The following DPYD variants were observed in gnomAD, a reference collection of about 807,000 sequenced individuals.
DPYD encodes the protein dihydropyrimidine dehydrogenase, also known as dihydropyrimidine dehydrogenase [NADP(+)].
Under a neutral mutation model 116.2 loss-of-function variants are expected in DPYD, and 109 were observed. The observed-to-expected ratio is 0.94, with a 90% CI of 0.80 to 1.10. DPYD has a LOEUF of 1.10. Ranked by LOEUF, DPYD falls within the 50% of genes least tolerant of loss-of-function variation. The pLI is 0.00. For synonymous variants in DPYD, 440 were observed against 432.0 expected, an observed-to-expected ratio of 1.02 and a Z score of -0.23; for missense variants, 1,302 against 1,254.5, an observed-to-expected ratio of 1.04 and a Z score of -0.57.
At chr1:97,147,932 C>T (rs1248740336) in intron 20 of DPYD, among the ~76,000 whole-genome samples, 1 of 152,134 alleles carries the variant, frequency 6.6e-6, no homozygotes, top group Non-Finnish European at 1.5e-5. Flanking sequence ...CCCTAAGTTA[C>T]AAAGTGTGTG....
chr1:97,731,058 A>C (rs1033347907), intron 4 of DPYD, among the ~76,000 whole-genome samples: 1 of 152,158 alleles, frequency 6.6e-6, no homozygotes, highest in African/African-American at 2.4e-5. Context: ...TATAACTTAC[A>C]TATAAAATGC....
chr1:97,789,739 TAA>T (rs1667219411), intron 3 of DPYD, among the ~76,000 whole-genome samples: 1 of 152,124 alleles, frequency 6.6e-6, no homozygotes, highest in Non-Finnish European at 1.5e-5. Context: ...AAATTAAGAA[TAA>T]AATAAATATG....
intron 18 of DPYD, among the ~76,000 whole-genome samples, chr1:97,271,928 T>C (rs1050735418): frequency 2.0e-5 from 3 of 152,202 alleles, no homozygotes; most frequent in African/African-American, 7.2e-5. Context: ...TATCACAGTG[T>C]TCCTTTTTAA....
At chr1:97,223,062 T>C (rs1457106098) in intron 19 of DPYD, among the ~76,000 whole-genome samples, 1 of 152,080 alleles carries the variant, frequency 6.6e-6, no homozygotes, top group Non-Finnish European at 1.5e-5. Flanking sequence ...GTGTATATTA[T>C]GACCAAGAGA....
At chr1:97,858,103 C>G (rs974556555) in intron 2 of DPYD, among the ~76,000 whole-genome samples, 2 of 152,002 alleles carry the variant, frequency 1.3e-5, no homozygotes, top group Non-Finnish European at 1.5e-5. Flanking sequence ...TAGCAAAATG[C>G]TTTTCTCGTC....
intron 18 of DPYD, among the ~76,000 whole-genome samples, chr1:97,288,924 A>G (rs1252413484): frequency 6.6e-6 from 1 of 152,102 alleles, no homozygotes; most frequent in Non-Finnish European, 1.5e-5. Context: ...GATCAACAAA[A>G]TTGATAGACT....
chr1:97,331,316 G>A (rs572108412), intron 16 of DPYD, among the ~76,000 whole-genome samples: 5 of 152,034 alleles, frequency 3.3e-5, no homozygotes, highest in African/African-American at 1.2e-4. Flanking sequence ...CAGAAAAAGA[G>A]GAAATTAAAA....
At chr1:97,717,586 C>A (rs574337298) in intron 5 of DPYD, among the ~76,000 whole-genome samples, 2 of 152,140 alleles carry the variant, frequency 1.3e-5, no homozygotes, top group South Asian at 4.1e-4. Context: ...CATCCCTCAT[C>A]CTCCCACCCA....
chr1:97,453,034 G>C (rs745400338), intron 13 of DPYD, among the ~76,000 whole-genome samples: 1 of 151,762 alleles, frequency 6.6e-6, no homozygotes, highest in Non-Finnish European at 1.5e-5. Context: ...GATCCTTCAG[G>C]GACCCCTTTT....
intron 1 of DPYD, among the ~76,000 whole-genome samples, chr1:97,890,508 G>A (rs1672722190): frequency 6.6e-6 from 1 of 151,824 alleles, no homozygotes; most frequent in South Asian, 2.1e-4. Context: ...TTTAAGTGGT[G>A]TATTCCTTAT....
chr1:97,384,286 C>T (rs991296376), intron 14 of DPYD, among the ~76,000 whole-genome samples: 2 of 148,598 alleles, frequency 1.3e-5, no homozygotes, highest in African/African-American at 2.5e-5. Flanking sequence ...GTCAGATAAA[C>T]GTTTTCATCA....
intron 16 of DPYD, among the ~76,000 whole-genome samples, chr1:97,318,543 T>C (rs528064041): frequency 0.011 from 1,634 of 152,098 alleles, 19 homozygotes; most frequent in Non-Finnish European, 0.017. Context: ...ATCCTAAATA[T>C]TTATGCAACC....
At chr1:97,323,611 CACGTATATATACATATCATATATACAT>C in intron 16 of DPYD, among the ~76,000 whole-genome samples, 1 of 72,894 alleles carries the variant, frequency 1.4e-5, no homozygotes, top group Non-Finnish European at 3.0e-5. Context: ...TGTATATATA[CACGTATATATACATATCATATATACAT>C]ATATGTGTAT....
chr1:97,883,138 T>C (rs547755575), intron 2 of DPYD, 126 bp downstream of exon 2: 1 of 635,566 alleles, frequency 1.6e-6, no homozygotes, highest in South Asian at 2.1e-5. Context: ...ATATTAAATA[T>C]TTAAAATATT....
chr1:97,338,137 C>T (rs1177230066), intron 16 of DPYD, among the ~76,000 whole-genome samples: 1 of 152,188 alleles, frequency 6.6e-6, no homozygotes, highest in Non-Finnish European at 1.5e-5. Context: ...TCACCTGCCA[C>T]TTTAACCCCA....
intron 3 of DPYD, among the ~76,000 whole-genome samples, chr1:97,823,432 T>A (rs1296966841): frequency 1.3e-5 from 2 of 152,132 alleles, no homozygotes; most frequent in African/African-American, 2.4e-5. Context: ...ATACAATATA[T>A]TACTGTTGAC....
At chr1:97,700,644 T>C (rs1413288219) in intron 5 of DPYD, among the ~76,000 whole-genome samples, 1 of 152,012 alleles carries the variant, frequency 6.6e-6, no homozygotes, top group Non-Finnish European at 1.5e-5. Flanking sequence ...AAATTTTTTA[T>C]AAAATGCCTG....
intron 7 of DPYD, among the ~76,000 whole-genome samples, chr1:97,689,016 G>A (rs1320882062): frequency 6.7e-6 from 1 of 148,990 alleles, no homozygotes; most frequent in African/African-American, 2.5e-5. Flanking sequence ...TATTCAATAT[G>A]ATTAAAAATC....
In DPYD at chr1:97,904,748, T is replaced by G. The variant is rs963102385; in HGVS notation, c.39+16136A>C. Among the ~76,000 whole-genome samples the G allele has an allele frequency of 7.9e-5, 12 of 152,052 alleles. No individual in the cohort carries two copies. In the East Asian group the frequency reaches 2.1e-3, roughly 27 times the overall value. On this transcript the variant is annotated intron_variant, in intron 1 of 22. Transcript: ENST00000370192. ...CTACTCATTCTCTGGGTATCTCCCA[T>G]GTACTTGTGAAATATATATGTTAAT... is the stretch of plus-strand genomic sequence containing the variant.
Sources: gnomAD v4.1 joint callset for allele counts (sites outside exome capture counted in the v4.1 genomes callset) on GRCh38, gnomAD v4.1.1 for gene constraint, MANE v1.5 for transcripts, NCBI Gene and HGNC (gene_info 2026-07-23, HGNC 2026-07-21) for gene names.